The following GNPTAB variants were observed in gnomAD, a reference collection of about 807,000 sequenced individuals.
GNPTAB encodes the protein N-acetylglucosamine-1-phosphotransferase subunits alpha/beta.
GNPTAB carries 92 observed loss-of-function variants against 136.6 expected under a neutral mutation model. That is an observed-to-expected ratio of 0.67 (90% confidence interval 0.57 to 0.80). The LOEUF (loss-of-function observed/expected upper bound fraction) is 0.80. GNPTAB is among the 30% of genes least tolerant of loss of function. The pLI, the probability that GNPTAB is intolerant of heterozygous loss-of-function variation, is 0.00. For missense variants in GNPTAB, 1,343 were observed against 1,501.8 expected (o/e 0.89, Z 1.75); for synonymous variants, 512 against 535.1 (o/e 0.96, Z 0.60).
At position 101,773,969 on chromosome 12, in the gene GNPTAB, C is replaced by T. The variant is rs764749853; in HGVS notation, c.772-2812G>A. 3.9e-5 allele frequency among the ~76,000 whole-genome samples: 6 copies of T among 152,206 alleles called. No individual in the cohort carries two copies. In the South Asian group the frequency reaches 8.3e-4, roughly 21 times the overall value. On this transcript the variant is annotated intron_variant, in intron 7 of 20. Transcript: ENST00000299314. Reference sequence around the variant, plus strand: ...CAAAAGGGAACAACTTCTATACCCACTCCCTACAGACCCACAGTGAACAAC... The same window carrying T: ...CAAAAGGGAACAACTTCTATACCCATTCCCTACAGACCCACAGTGAACAAC...
chr12:101,795,993 A>G, intron 2 of GNPTAB: 1 of 422,564 alleles, frequency 2.4e-6, no homozygotes, highest in Non-Finnish European at 4.2e-6. Context: ...AATGGTGAAG[A>G]CTGCGTTCCA....
intron 2 of GNPTAB, 41 bp from the exon 3 acceptor site, chr12:101,790,098 T>C (rs1868898211): frequency 1.9e-6 from 3 of 1,613,730 alleles, no homozygotes; most frequent in Non-Finnish European, 2.5e-6. Context: ...AATGCATTTT[T>C]CCAATATATT....
At chr12:101,754,484 T>G (rs1952871455) in intron 18 of GNPTAB, among the ~76,000 whole-genome samples, 2 of 152,092 alleles carry the variant, frequency 1.3e-5, no homozygotes, top group Admixed American at 1.3e-4. Flanking sequence ...GATAGTTATA[T>G]TACAAAGAAA....
In GNPTAB at chr12:101,757,028, C is replaced by G. The variant is rs1952910633; in HGVS notation, c.3434+184G>C. 3 of 559,040 alleles carry G rather than the reference C, an allele frequency of 5.4e-6. No individual in the cohort carries two copies. The East Asian group carries it at 8.8e-5, about 16-fold the overall frequency. 34.6% of individuals were successfully genotyped at this position (559,040 alleles called of 1,614,324 possible). A position where few individuals can be genotyped will look rare whatever the true frequency, so the allele number is the denominator to read the frequency against. ...CAGTTCTTCGAAGTTCAGGCTCATCCCTCTGCATGGGGGACCCTATCTCAA... is the reference window on the plus strand; with the variant it reads ...CAGTTCTTCGAAGTTCAGGCTCATCGCTCTGCATGGGGGACCCTATCTCAA... On this transcript the variant is annotated intron_variant, in intron 18 of 20. Coordinates refer to ENST00000299314, the MANE Select transcript of GNPTAB (RefSeq NM_024312.5).
chr12:101,826,383 T>C (rs969033049), intron 1 of GNPTAB, among the ~76,000 whole-genome samples: 3 of 152,186 alleles, frequency 2.0e-5, no homozygotes, highest in Non-Finnish European at 2.9e-5. Flanking sequence ...CATACACATA[T>C]ACACACTGAT....
At chr12:101,775,058 T>C (rs1379282417) in intron 7 of GNPTAB, among the ~76,000 whole-genome samples, 1 of 152,144 alleles carries the variant, frequency 6.6e-6, no homozygotes, top group East Asian at 1.9e-4. Flanking sequence ...CTACAATACA[T>C]AGGACAGTCC....
At chr12:101,820,720 C>T (rs1032445146) in intron 1 of GNPTAB, among the ~76,000 whole-genome samples, 2 of 152,140 alleles carry the variant, frequency 1.3e-5, no homozygotes, top group African/African-American at 4.8e-5. Context: ...TCAGCCTCAG[C>T]AATTCTTACC....
At chr12:101,791,128 T>G (rs1196660025) in intron 2 of GNPTAB, among the ~76,000 whole-genome samples, 1 of 152,210 alleles carries the variant, frequency 6.6e-6, no homozygotes, top group Admixed American at 6.5e-5. Flanking sequence ...CATTTCTTCC[T>G]GATCATCTTG....
intron 1 of GNPTAB, among the ~76,000 whole-genome samples, chr12:101,800,824 A>G (rs575541774): frequency 6.6e-6 from 1 of 152,122 alleles, no homozygotes; most frequent in African/African-American, 2.4e-5. Flanking sequence ...CAGCCCTATA[A>G]TTAAAAATCT....
chr12:101,827,756 A>G (rs1007213342), intron 1 of GNPTAB, among the ~76,000 whole-genome samples: 31 of 152,278 alleles, frequency 2.0e-4, no homozygotes, highest in Admixed American at 9.2e-4. Flanking sequence ...CCTAAGGTCC[A>G]GAGTTTGAGA....
intron 13 of GNPTAB, 75 bp downstream of exon 13, chr12:101,764,127 T>C: frequency 1.3e-6 from 2 of 1,592,870 alleles, no homozygotes; most frequent in East Asian, 2.2e-5. Flanking sequence ...GAATAAATGG[T>C]AGCTATAATG....
chr12:101,757,733 G>T, intron 16 of GNPTAB, 76 bp from the exon 17 acceptor site: 1 of 794,470 alleles, frequency 1.3e-6, no homozygotes, highest in Non-Finnish European at 2.3e-6. Context: ...TCTTAGTTCT[G>T]ATTTTTAACT....
Position 101,753,483 on chromosome 12 carries a change from ACTGT to A in GNPTAB, c.3487_3490del (p.Thr1163Ter), listed in dbSNP as rs281865020. 3 of 1,613,832 alleles carry A rather than the reference ACTGT, an allele frequency of 1.9e-6. No homozygotes were observed. Among genetic ancestry groups the A allele is most frequent in the South Asian group, 2.2e-5 (2 of 91,086 alleles). The stretch of plus-strand genomic sequence containing the variant: ...ATAGAAGTCCCTGAGAACAGCCTTC[ACTGT>A]CTGAGCATCTTTATGATTGTGGTCA... On this transcript the variant is annotated frameshift_variant, in exon 19 of 21. Transcript: ENST00000299314. LOFTEE classifies it high-confidence loss of function.
rs1189400456 is a variant in GNPTAB at position 101,830,420 on chromosome 12, T to C, written c.117+139A>G. 6 of 630,840 alleles carry C rather than the reference T, an allele frequency of 9.5e-6. No homozygotes were observed. The Admixed American group carries it at 1.1e-4, about 12-fold the overall frequency. 39.1% of individuals were successfully genotyped at this position (630,840 alleles called of 1,614,324 possible). On this transcript the variant is annotated intron_variant, in intron 1 of 20. Coordinates refer to ENST00000299314, the MANE Select transcript of GNPTAB (RefSeq NM_024312.5). ...CAGGGCGATCGCCTGAGCTCAGGAG[T>C]TCGAGACCAGCCTGGGCAACATGGC...
At chr12:101,796,840 T>C (rs1869323067) in intron 1 of GNPTAB, 78 bp from the exon 2 acceptor site, 1 of 954,232 alleles carries the variant, frequency 1.0e-6, no homozygotes, top group East Asian at 2.4e-5. Flanking sequence ...TTAATTTCAT[T>C]AGAATTGCTA....
Position 101,746,968 on chromosome 12 carries a change from C to T in GNPTAB, c.*196G>A. The T allele has an allele frequency of 5.1e-6, 3 of 591,668 alleles. No homozygotes were observed. Among genetic ancestry groups the T allele is most frequent in the South Asian group, 1.9e-5 (1 of 51,858 alleles). The allele number at this position is 591,668 out of a possible 1,614,324, so 36.7% of individuals were successfully genotyped here. ...GTAAAATCAGTTCAGAGCTGCTCAA[C>T]ACACAAGTTTTCAGTGGGTTGGTTA... On this transcript the variant is annotated 3_prime_UTR_variant, in exon 21 of 21. Coordinates refer to ENST00000299314, the MANE Select transcript of GNPTAB (RefSeq NM_024312.5).
Position 101,780,611 on chromosome 12 carries a change from G to C in GNPTAB, c.582C>G (p.Ala194=), listed in dbSNP as rs759456164. The change falls in exon 6 of 21, where the codon GCC becomes GCG. Residue 194 remains alanine, a synonymous_variant. Transcript: ENST00000299314. ...TATTTCCTTTAAGCAGTCCAGAGTG[G>C]GCATCTTCAACTACAACCAAGAATA... ...VFDSTKDVED[A]HSGLLKGNSR... is the part of the protein sequence containing the mutation. 2.5e-6 allele frequency: 4 copies of C among 1,607,972 alleles called. No individual in the cohort carries two copies. Among genetic ancestry groups the C allele is most frequent in the Non-Finnish European group, 2.6e-6 (3 of 1,174,754 alleles).
rs772675449 is a variant in GNPTAB, at chr12:101,780,135, A to G, written c.771+17T>C. 18 of 1,610,652 alleles carry G rather than the reference A, an allele frequency of 1.1e-5. No homozygotes were observed. Among genetic ancestry groups the G allele is most frequent in the Middle Eastern group, 1.6e-4 (1 of 6,074 alleles). ...GAGAATGTGCCAGGCTAATTGCTCTATTTTCTATGTTCTTACCAGTTTGAC... is the reference window on the plus strand; with the variant it reads ...GAGAATGTGCCAGGCTAATTGCTCTGTTTTCTATGTTCTTACCAGTTTGAC... On this transcript the variant is annotated intron_variant, in intron 7 of 20. Transcript: ENST00000299314.
chr12:101,750,612 T>C (rs77222510), intron 19 of GNPTAB, among the ~76,000 whole-genome samples: 1,713 of 152,310 alleles, frequency 0.011, 42 homozygotes, highest in African/African-American at 0.039. Flanking sequence ...TAGTCACAAA[T>C]TGAATTTGGG....
Sources: gnomAD v4.1 joint callset for allele counts (sites outside exome capture counted in the v4.1 genomes callset) on GRCh38, gnomAD v4.1.1 for gene constraint, MANE v1.5 for transcripts, NCBI Gene and HGNC (gene_info 2026-07-23, HGNC 2026-07-21) for gene names.